Variants in CUX2 observed in about 807,000 individuals in gnomAD.
CUX2 encodes the protein homeobox protein cut-like 2.
In CUX2, 40 loss-of-function variants were observed where a neutral mutation model predicts 144.8. The ratio of observed to expected loss-of-function variants is 0.28; its 90% CI spans 0.21 to 0.36. The LOEUF is 0.36. Ranked by LOEUF, CUX2 falls within the 10% of genes least tolerant of loss-of-function variation. The pLI, the probability that CUX2 is intolerant of heterozygous loss-of-function variation, is 1.00. For synonymous variants in CUX2, 827 were observed against 875.6 expected, an observed-to-expected ratio of 0.94 and a Z score of 0.98; for missense variants, 1,615 against 1,994.0, an observed-to-expected ratio of 0.81 and a Z score of 3.62.
intron 3 of CUX2, 64 bp downstream of exon 3, chr12:111,218,001 C>T: frequency 2.5e-6 from 4 of 1,580,262 alleles, no homozygotes; most frequent in Non-Finnish European, 3.5e-6. Flanking sequence ...CCTATCCCAC[C>T]TAGAGTTGCC....
At chr12:111,071,760 T>C (rs568923399) in intron 1 of CUX2, among the ~76,000 whole-genome samples, 1 of 152,372 alleles carries the variant, frequency 6.6e-6, no homozygotes, top group East Asian at 1.9e-4. Flanking sequence ...ATGATCCATT[T>C]TGAGTTAATT....
chr12:111,088,488 T>G (rs1349201688), intron 1 of CUX2, among the ~76,000 whole-genome samples: 1 of 152,084 alleles, frequency 6.6e-6, no homozygotes, highest in Non-Finnish European at 1.5e-5. Context: ...CTGCATTAAT[T>G]ATTCAAAATG....
chr12:111,124,439 C>T (rs897541206), intron 1 of CUX2, among the ~76,000 whole-genome samples: 2 of 152,196 alleles, frequency 1.3e-5, no homozygotes, highest in Non-Finnish European at 2.9e-5. Context: ...TCTTGGCCTC[C>T]GTGCAGCCTG....
At chr12:111,058,055 G>T (rs1327231413) in intron 1 of CUX2, among the ~76,000 whole-genome samples, 1 of 152,112 alleles carries the variant, frequency 6.6e-6, no homozygotes, top group African/African-American at 2.4e-5. Flanking sequence ...GTGTTGTGTT[G>T]TAATACTGTT....
intron 1 of CUX2, among the ~76,000 whole-genome samples, chr12:111,205,257 T>C (rs1880848866): frequency 6.6e-6 from 1 of 151,344 alleles, no homozygotes; most frequent in Non-Finnish European, 1.5e-5. Flanking sequence ...AAGGCGACAC[T>C]CCCAACCTGC....
intron 1 of CUX2, among the ~76,000 whole-genome samples, chr12:111,126,110 C>CTTT (rs869221391): frequency 1.5e-5 from 2 of 131,656 alleles, no homozygotes; most frequent in African/African-American, 2.8e-5. Flanking sequence ...GTCCCGAGGT[C>CTTT]TTTTTTTTTT....
rs1454492834 is a variant in CUX2, at chr12:111,341,966, C to A, written c.3572C>A (p.Pro1191His). 1 of 1,614,126 alleles carries A rather than the reference C, an allele frequency of 6.2e-7. No homozygotes were observed. Among genetic ancestry groups the A allele is most frequent in the Non-Finnish European group, 8.5e-7 (1 of 1,180,034 alleles). ...CTGCGGAAGGCCTATCAGCTGGAACCCTACCCCTCGCAGCAGACCATCGAG... is the reference window on the plus strand; with the variant it reads ...CTGCGGAAGGCCTATCAGCTGGAACACTACCCCTCGCAGCAGACCATCGAG... ...EALRKAYQLEPYPSQQTIELL... is the reference protein window; with the variant it reads ...EALRKAYQLEHYPSQQTIELL... The change falls in exon 21 of 22, where the codon CCC becomes CAC. Residue 1191 changes from proline to histidine, a missense_variant. By Grantham distance (77) the Pro-to-His change is moderately conservative. Around this residue, in one of 12 missense-constraint regions of CUX2, gnomAD observed 131 missense variants for 223.1 expected, o/e 0.59. Coordinates refer to ENST00000261726, the MANE Select transcript of CUX2 (RefSeq NM_015267.4).
intron 3 of CUX2, among the ~76,000 whole-genome samples, chr12:111,221,813 C>T (rs751259129): frequency 2.2e-4 from 33 of 151,424 alleles, no homozygotes; most frequent in Admixed American, 6.6e-5. Flanking sequence ...TGTGTGTGTG[C>T]GTGCCGGTGG....
At chr12:111,085,730 G>T (rs1872171534) in intron 1 of CUX2, among the ~76,000 whole-genome samples, 1 of 152,164 alleles carries the variant, frequency 6.6e-6, no homozygotes, top group Non-Finnish European at 1.5e-5. Context: ...GCACTACTTG[G>T]TTCCCTTCCC....
At chr12:111,138,028 C>T (rs759200186) in intron 1 of CUX2, among the ~76,000 whole-genome samples, 1 of 152,352 alleles carries the variant, frequency 6.6e-6, no homozygotes, top group Admixed American at 6.5e-5. Flanking sequence ...GGCCATGTGA[C>T]GGCTCTAGCC....
intron 4 of CUX2, among the ~76,000 whole-genome samples, chr12:111,271,800 A>ATT (rs1884658820): frequency 3.3e-5 from 5 of 152,082 alleles, no homozygotes; most frequent in Admixed American, 3.3e-4. Context: ...CAGAGAGTGG[A>ATT]TTTTTTCTAC....
At chr12:111,338,811 C>T (rs896923188) in intron 20 of CUX2, among the ~76,000 whole-genome samples, 14 of 152,060 alleles carry the variant, frequency 9.2e-5, no homozygotes, top group Admixed American at 4.6e-4. Flanking sequence ...GCAGGAGGAT[C>T]GTTCAAGGCT....
intron 16 of CUX2, among the ~76,000 whole-genome samples, chr12:111,317,571 C>T (rs1404063852): frequency 1.3e-5 from 2 of 152,156 alleles, no homozygotes; most frequent in Non-Finnish European, 2.9e-5. Context: ...CCCACCCCTG[C>T]CTTCCTCTCC....
At chr12:111,117,738 C>T (rs1874391703) in intron 1 of CUX2, among the ~76,000 whole-genome samples, 1 of 152,218 alleles carries the variant, frequency 6.6e-6, no homozygotes, top group Non-Finnish European at 1.5e-5. Flanking sequence ...CAGGTAGATA[C>T]TCTGAGTATT....
chr12:111,212,698 C>T (rs1383807788), intron 1 of CUX2, among the ~76,000 whole-genome samples: 1 of 152,224 alleles, frequency 6.6e-6, no homozygotes, highest in African/African-American at 2.4e-5. Flanking sequence ...CTTCTAGTCT[C>T]ATAATTTTCT....
intron 16 of CUX2, among the ~76,000 whole-genome samples, chr12:111,316,451 T>TC (rs1440860771): frequency 1.4e-5 from 2 of 142,742 alleles, no homozygotes; most frequent in Non-Finnish European, 3.1e-5. Flanking sequence ...CGGCACTTCT[T>TC]TTTTTTTTTT....
chr12:111,331,729 C>G (rs1464339525), intron 18 of CUX2, among the ~76,000 whole-genome samples: 1 of 152,068 alleles, frequency 6.6e-6, no homozygotes, highest in African/African-American at 2.4e-5. Flanking sequence ...ATCACAAGCC[C>G]CAGATATCTT....
chr12:111,142,664 A>T (rs1173742327), intron 1 of CUX2, among the ~76,000 whole-genome samples: 1 of 152,146 alleles, frequency 6.6e-6, no homozygotes, highest in Non-Finnish European at 1.5e-5. Flanking sequence ...ACAGCAAAAT[A>T]TGTAGAACTG....
At chr12:111,218,652 G>A (rs1240987748) in intron 3 of CUX2, among the ~76,000 whole-genome samples, 1 of 152,132 alleles carries the variant, frequency 6.6e-6, no homozygotes, top group Non-Finnish European at 1.5e-5. Flanking sequence ...GCATTCTGCT[G>A]TCCTTTGATT....
Sources: gnomAD v4.1 joint callset for allele counts (sites outside exome capture counted in the v4.1 genomes callset) on GRCh38, gnomAD v4.1.1 for gene constraint, gnomAD v4.1.1 regional missense constraint, MANE v1.5 for transcripts, NCBI Gene and HGNC (gene_info 2026-07-23, HGNC 2026-07-21) for gene names.